KMT5B: variants seen among roughly 807,000 people sequenced by gnomAD.
KMT5B encodes histone-lysine N-methyltransferase KMT5B.
In KMT5B, 10 loss-of-function variants were observed where a neutral mutation model predicts 83.2. That is an observed-to-expected ratio of 0.12 (90% confidence interval 0.07 to 0.20). The LOEUF is 0.20. KMT5B is among the 10% of genes least tolerant of loss of function. The probability of loss-of-function intolerance (pLI) is 1.00; values close to 1 mark genes in which losing one functional copy is unlikely to be tolerated. For synonymous variants in KMT5B, 349 were observed against 388.8 expected (o/e 0.90, Z 1.20); for missense variants, 753 against 1,067.2 (o/e 0.71, Z 4.10).
intron 10 of KMT5B, among the ~76,000 whole-genome samples, chr11:68,162,103 C>T (rs1854920358): frequency 6.6e-6 from 1 of 152,180 alleles, no homozygotes; most frequent in Non-Finnish European, 1.5e-5. Context: ...GTGGAGTCCA[C>T]CCCTGCAATG....
At chr11:68,212,431 C>T (rs186212839) in intron 1 of KMT5B, among the ~76,000 whole-genome samples, 2 of 152,366 alleles carry the variant, frequency 1.3e-5, no homozygotes, top group African/African-American at 2.4e-5. Context: ...CGTTAAGTTA[C>T]TGTTCCAGAC....
At chr11:68,213,415 C>T (rs1156550991), upstream of KMT5B, 3 of 145,966 alleles carry the variant, frequency 2.1e-5, no homozygotes, top group Non-Finnish European at 4.6e-5. Flanking sequence ...CCCCCGCGCC[C>T]CCGGCCTCGG....
rs148665942 is a variant in KMT5B, at chr11:68,160,197, A to G, written c.1175-1026T>C. Among the ~76,000 whole-genome samples, 531 of 152,336 alleles carry G rather than the reference A, an allele frequency of 3.5e-3. 3 individuals carry two copies. The highest frequency in any genetic ancestry group is 0.012 in the African/African-American group (503 of 41,566). On this transcript the variant is annotated intron_variant, in intron 10 of 10. Coordinates refer to ENST00000304363, the MANE Select transcript of KMT5B (RefSeq NM_017635.5). ...GGTGGATCGAATAGACGTGCTGTCA[A>G]TATAAAGAATAAAGTTGAATGGCTT...
chr11:68,178,724 T>G (rs1856618058), intron 4 of KMT5B, among the ~76,000 whole-genome samples: 1 of 152,208 alleles, frequency 6.6e-6, no homozygotes, highest in African/African-American at 2.4e-5. Flanking sequence ...CAAATCCCAT[T>G]GTAACAAATA....
At chr11:68,185,446 G>A (rs980343939) in intron 3 of KMT5B, among the ~76,000 whole-genome samples, 4 of 152,172 alleles carry the variant, frequency 2.6e-5, no homozygotes, top group African/African-American at 9.7e-5. Context: ...GACCTCAGGT[G>A]ATCCACCCAC....
chr11:68,191,548 G>C (rs762414602), intron 1 of KMT5B, among the ~76,000 whole-genome samples: 73 of 152,066 alleles, frequency 4.8e-4, no homozygotes, highest in Non-Finnish European at 8.8e-4. Flanking sequence ...TGGCTAGGCT[G>C]GTCTCGAACT....
Position 68,158,935 on chromosome 11 carries a change from C to T in KMT5B, c.1411G>A (p.Glu471Lys). ...TCTTTCAGTACTAAGTTTCCCATTT[C>T]GAGTTTTCTTGAAGCATTCTTTTGC... ...LEQKNASRKL[E>K]MGNLVLKEPK... Residue 471 changes from glutamate (E) to lysine (K), a missense_variant, in exon 11 of 11, where the codon GAA becomes AAA. This residue lies in a region of KMT5B where 397 missense variants were observed against 395.9 expected (regional missense o/e 1.00). Transcript: ENST00000304363. 10 of 1,613,496 alleles carry T rather than the reference C, an allele frequency of 6.2e-6. No individual in the cohort carries two copies. The highest frequency in any genetic ancestry group is 8.5e-6 in the Non-Finnish European group (10 of 1,179,946).
intron 1 of KMT5B, among the ~76,000 whole-genome samples, chr11:68,199,955 G>C (rs528419438): frequency 6.6e-6 from 1 of 152,310 alleles, no homozygotes; most frequent in Admixed American, 6.5e-5. Flanking sequence ...ATTGGCTTCC[G>C]CAAGGACTGC....
Position 68,185,878 on chromosome 11 carries a change from C to T in KMT5B, c.211G>A (p.Gly71Arg). The T allele has an allele frequency of 6.2e-7, 1 of 1,614,048 alleles. No individual in the cohort carries two copies. Among genetic ancestry groups the T allele is most frequent in the Non-Finnish European group, 8.5e-7 (1 of 1,179,978 alleles). Residue 71 changes from glycine to arginine, a missense_variant, in exon 3 of 11, where the codon GGA becomes AGA. By Grantham distance (125) the Gly-to-Arg change is moderately radical (BLOSUM62 -2). Coordinates refer to ENST00000304363, the MANE Select transcript of KMT5B (RefSeq NM_017635.5). ...EGQSRYVPSS[G>R]MSAKELCEND... The stretch of plus-strand genomic sequence containing the variant: ...TCACAGAGTTCCTTGGCGGACATTC[C>T]AGAGGATGGTACATAGCGACTCTGT...
intron 4 of KMT5B, chr11:68,176,846 C>T (rs1401999589): frequency 6.6e-6 from 1 of 152,054 alleles, no homozygotes; most frequent in Non-Finnish European, 1.5e-5. Flanking sequence ...AAATAAAATA[C>T]ATTAAGAAAA....
At chr11:68,160,051 G>A (rs1471456491) in intron 10 of KMT5B, among the ~76,000 whole-genome samples, 1 of 152,188 alleles carries the variant, frequency 6.6e-6, no homozygotes, top group African/African-American at 2.4e-5. Context: ...GAGAATGAGC[G>A]TATTCTTATC....
At position 68,163,322 on chromosome 11, in the gene KMT5B, T is replaced by C. The variant is rs940929071; in HGVS notation, c.1174+3660A>G. ...ATGTGAAAACCAAGCTTACACGAAC[T>C]AGCATGCCTAAGGTCATCCAGCTGG... On this transcript the variant is annotated intron_variant, in intron 10 of 10. Coordinates refer to ENST00000304363, the MANE Select transcript of KMT5B (RefSeq NM_017635.5). Among the ~76,000 whole-genome samples, 41 of 152,326 alleles carry C rather than the reference T, an allele frequency of 2.7e-4. 1 individual carries two copies. The highest frequency in any genetic ancestry group is 9.1e-4 in the African/African-American group (38 of 41,586).
chr11:68,158,205 C>G lies in KMT5B; in HGVS notation c.2141G>C (p.Gly714Ala). ...CCTACGAAGAGTCAATTTGGGAATC[C>G]CAGAGTTATTTTCTAGGATTAACTG... ...DAQLILENNS[G>A]IPKLTLRRRH... The change falls in exon 11 of 11, where the codon GGG becomes GCG. Residue 714 changes from glycine to alanine, a missense_variant. Around this residue, in one of 9 missense-constraint regions of KMT5B, gnomAD observed 12 missense variants for 30.1 expected, o/e 0.40. Coordinates refer to ENST00000304363, the MANE Select transcript of KMT5B (RefSeq NM_017635.5). 1.2e-6 allele frequency: 2 copies of G among 1,614,096 alleles called. No individual in the cohort carries two copies. The highest frequency in any genetic ancestry group is 1.1e-5 in the South Asian group (1 of 91,078).
rs1859238511 is a variant in KMT5B at position 68,155,665 on chromosome 11, A to C, written c.*2023T>G. On this transcript the variant is annotated 3_prime_UTR_variant, in exon 11 of 11. Coordinates refer to ENST00000304363, the MANE Select transcript of KMT5B (RefSeq NM_017635.5). ...CACAGGGTCTACCTTCATCTTCCTC[A>C]GTGGCAGGGGTTCACATTTCTATGC... 1 of 152,128 alleles carries C rather than the reference A, an allele frequency of 6.6e-6. No homozygotes were observed. Among genetic ancestry groups the C allele is most frequent in the African/African-American group, 2.4e-5 (1 of 41,422 alleles). The allele number at this position is 152,128 out of a possible 1,614,324, so 9.4% of individuals were successfully genotyped here. A position where few individuals can be genotyped will look rare whatever the true frequency, so the allele number is the denominator to read the frequency against.
In KMT5B at chr11:68,213,279, G is replaced by A. The variant is rs898915569; in HGVS notation, c.-218C>T. The A allele has an allele frequency of 5.4e-5, 8 of 147,466 alleles. No homozygotes were observed. The highest frequency in any genetic ancestry group is 4.7e-4 in the Admixed American group (7 of 14,852). 9.1% of individuals were successfully genotyped at this position (147,466 alleles called of 1,614,324 possible). On this transcript the variant is annotated 5_prime_UTR_variant, in exon 1 of 11. Transcript: ENST00000304363. ...CCAAAAATAATTCCAGAGAAAAATG[G>A]AGAGTAAAATCCAAGATGGCGGCGC...
intron 1 of KMT5B, among the ~76,000 whole-genome samples, chr11:68,194,941 A>C (rs763412404): frequency 6.6e-5 from 10 of 152,180 alleles, no homozygotes; most frequent in Non-Finnish European, 1.3e-4. Context: ...CTGGGAGACC[A>C]AGGCAAGAGG....
Position 68,171,143 on chromosome 11 carries a change from T to C in KMT5B, c.849A>G (p.Ser283=). The change falls in exon 9 of 11, where the codon TCA becomes TCG. Residue 283 remains serine, a synonymous_variant. Coordinates refer to ENST00000304363, the MANE Select transcript of KMT5B (RefSeq NM_017635.5). The surrounding 1 kb of genome is among the most constrained non-coding windows in gnomAD (Gnocchi z 5.1). ...TCACACATGCTGTATCTCGACCAGT[T>C]GACACAAACTAAAATAAAAGTAACT... ...HDCRPNCKFV[S]TGRDTACVKA... is the part of the protein sequence containing the mutation. 1 of 1,609,176 alleles carries C rather than the reference T, an allele frequency of 6.2e-7. No individual in the cohort carries two copies. Among genetic ancestry groups the C allele is most frequent in the Non-Finnish European group, 8.5e-7 (1 of 1,179,008 alleles).
At chr11:68,197,466 T>C (rs1475166058) in intron 1 of KMT5B, among the ~76,000 whole-genome samples, 1 of 152,192 alleles carries the variant, frequency 6.6e-6, no homozygotes, top group Admixed American at 6.5e-5. Context: ...TAAGAAAAAT[T>C]ATGGAATAAA....
intron 1 of KMT5B, among the ~76,000 whole-genome samples, chr11:68,203,826 A>T (rs1374254130): frequency 6.6e-6 from 1 of 152,226 alleles, no homozygotes; most frequent in African/African-American, 2.4e-5. Flanking sequence ...CTTCTACCTA[A>T]GGCAGAGCCT....
Sources: gnomAD v4.1 joint callset for allele counts (sites outside exome capture counted in the v4.1 genomes callset) on GRCh38, gnomAD v4.1.1 for gene constraint, gnomAD v4.1.1 regional missense constraint, Gnocchi (gnomAD v3.1) non-coding constraint, MANE v1.5 for transcripts, NCBI Gene and HGNC (gene_info 2026-07-23, HGNC 2026-07-21) for gene names.